The following LHFPL5 variants were observed in gnomAD, a reference collection of about 807,000 sequenced individuals.
LHFPL5 encodes LHFPL tetraspan subfamily member 5 protein.
In LHFPL5, 12 loss-of-function variants were observed where a neutral mutation model predicts 18.7. The observed-to-expected ratio is 0.64, with a 90% CI of 0.41 to 1.04. LHFPL5 has a LOEUF of 1.04. Ranked by LOEUF, LHFPL5 falls within the 50% of genes least tolerant of loss-of-function variation. The probability of loss-of-function intolerance (pLI) is 0.00; values close to 1 mark genes in which losing one functional copy is unlikely to be tolerated. For missense variants in LHFPL5, 259 were observed against 292.1 expected (o/e 0.89, Z 0.83); for synonymous variants, 111 against 120.2 (o/e 0.92, Z 0.50).
chr6:35,809,146 G>T (rs919231423), intron 1 of LHFPL5, among the ~76,000 whole-genome samples: 4 of 152,306 alleles, frequency 2.6e-5, no homozygotes, highest in Non-Finnish European at 5.9e-5. Context: ...GGGCTTCTGG[G>T]TGCCAGGTGT....
intron 2 of LHFPL5, among the ~76,000 whole-genome samples, chr6:35,816,044 G>A (rs1037631841): frequency 4.6e-5 from 7 of 152,032 alleles, no homozygotes; most frequent in East Asian, 1.9e-4. Context: ...GGTGGCGGGC[G>A]CCTGTAGTCC....
At position 35,805,805 on chromosome 6, in the gene LHFPL5, C is replaced by G; in HGVS notation, c.135C>G (p.Ile45Met). The G allele has an allele frequency of 6.2e-7, 1 of 1,614,254 alleles. No homozygotes were observed. The highest frequency in any genetic ancestry group is 8.5e-7 in the Non-Finnish European group (1 of 1,180,046). ...CCGTACTGGTCATGGCCCTCTTCAT[C>G]CAGCCCTACTGGATCGGCGACAGCG... ...CFSVLVMALF[I>M]QPYWIGDSVN... Residue 45 changes from isoleucine to methionine, a missense_variant, in exon 1 of 4, where the codon ATC becomes ATG. Physicochemically the swap from Ile to Met is conservative, Grantham distance 10. Transcript: ENST00000360215. This position sits in a 1 kb window ranked among gnomAD's most constrained non-coding sequence, Gnocchi z 4.3.
chr6:35,823,386 T>TACAC lies in LHFPL5; in HGVS notation c.*422_*423insCACA, dbSNP rs1352576898. 5.8e-5 allele frequency: 3 copies of TACAC among 51,634 alleles called. No individual in the cohort carries two copies. The highest frequency in any genetic ancestry group is 7.5e-4 in the East Asian group (2 of 2,662). 3.2% of individuals were successfully genotyped at this position (51,634 alleles called of 1,614,324 possible). A position where few individuals can be genotyped will look rare whatever the true frequency, so the allele number is the denominator to read the frequency against. On this transcript the variant is annotated 3_prime_UTR_variant, in exon 4 of 4. Transcript: ENST00000360215. Reference sequence around the variant, plus strand: ...CTGATAGCATACACACACACATATATATACACACACACACACACACACACA... The same window carrying TACAC: ...CTGATAGCATACACACACACATATATACACATACACACACACACACACACACACA...
chr6:35,819,839 G>C (rs1581975555), intron 3 of LHFPL5: 1 of 284,456 alleles, frequency 3.5e-6, no homozygotes, highest in East Asian at 8.1e-5. Context: ...CACCATGCCT[G>C]GCTAATTTTT....
At chr6:35,811,791 C>T (rs1768668525) in intron 1 of LHFPL5, among the ~76,000 whole-genome samples, 1 of 152,234 alleles carries the variant, frequency 6.6e-6, no homozygotes, top group Admixed American at 6.5e-5. Flanking sequence ...ACGTAGGTTT[C>T]ACCACGGAGC....
chr6:35,805,358 A>C lies in LHFPL5; in HGVS notation c.-313A>C. On this transcript the variant is annotated 5_prime_UTR_variant, in exon 1 of 4. Coordinates refer to ENST00000360215, the MANE Select transcript of LHFPL5 (RefSeq NM_182548.4). This position sits in a 1 kb window ranked among gnomAD's most constrained non-coding sequence, Gnocchi z 4.3. ...CGGAGGAGGGGGCGGGGCTCTCGGG[A>C]GCCGTGAGCCGGGAAGAGGGAGACG... 1 of 343,186 alleles carries C rather than the reference A, an allele frequency of 2.9e-6. No homozygotes were observed. The highest frequency in any genetic ancestry group is 3.4e-5 in the South Asian group (1 of 29,832). The allele number at this position is 343,186 out of a possible 1,614,324, so 21.3% of individuals were successfully genotyped here. A position where few individuals can be genotyped will look rare whatever the true frequency, so the allele number is the denominator to read the frequency against.
At chr6:35,813,638 T>C (rs1232231233) in intron 1 of LHFPL5, among the ~76,000 whole-genome samples, 1 of 152,046 alleles carries the variant, frequency 6.6e-6, no homozygotes, top group Non-Finnish European at 1.5e-5. Context: ...ATGGAAGGCT[T>C]TTGAAGGAAG....
chr6:35,806,257 G>C (rs1349977461), intron 1 of LHFPL5, among the ~76,000 whole-genome samples, 175 bp downstream of exon 1: 1 of 152,182 alleles, frequency 6.6e-6, no homozygotes, highest in Non-Finnish European at 1.5e-5. Context: ...TAAAATGGCA[G>C]AGGCAGAAAA....
At chr6:35,820,117 A>G (rs1028637713) in intron 3 of LHFPL5, among the ~76,000 whole-genome samples, 1 of 152,246 alleles carries the variant, frequency 6.6e-6, no homozygotes, top group South Asian at 2.1e-4. Context: ...CCTTATTTTC[A>G]GAAAGAATTT....
At chr6:35,817,802 CA>C (rs1388242664) in intron 2 of LHFPL5, among the ~76,000 whole-genome samples, 1 of 152,220 alleles carries the variant, frequency 6.6e-6, no homozygotes, top group Non-Finnish European at 1.5e-5. Context: ...GGCAGTTCCT[CA>C]AATGGTTAAT....
At chr6:35,808,811 G>C (rs919344662) in intron 1 of LHFPL5, among the ~76,000 whole-genome samples, 2 of 151,804 alleles carry the variant, frequency 1.3e-5, no homozygotes, top group Admixed American at 6.6e-5. Flanking sequence ...AGTGCCAGGA[G>C]GGGGAGGGGT....
At chr6:35,821,093 C>T (rs1009533727) in intron 3 of LHFPL5, among the ~76,000 whole-genome samples, 1 of 152,108 alleles carries the variant, frequency 6.6e-6, no homozygotes, top group African/African-American at 2.4e-5. Flanking sequence ...CACCTGAGGT[C>T]AGGAGTTAGA....
At chr6:35,809,060 T>C (rs2151069578) in intron 1 of LHFPL5, among the ~76,000 whole-genome samples, 1 of 152,070 alleles carries the variant, frequency 6.6e-6, no homozygotes, top group African/African-American at 2.4e-5. Flanking sequence ...CCAAGAAGCC[T>C]GGGAACAGGG....
At chr6:35,813,792 CTTTTTTTT>C (rs1012092184) in intron 1 of LHFPL5, among the ~76,000 whole-genome samples, 3 of 121,538 alleles carry the variant, frequency 2.5e-5, no homozygotes, top group African/African-American at 6.6e-5. Context: ...TTTCCTTTTC[CTTTTTTTT>C]TTTTTTTTTT....
intron 1 of LHFPL5, among the ~76,000 whole-genome samples, chr6:35,812,521 A>T (rs184134484): frequency 2.0e-5 from 3 of 152,264 alleles, no homozygotes; most frequent in Non-Finnish European, 4.4e-5. Flanking sequence ...ATGGAAAGGG[A>T]TGGAAGAAGT....
At chr6:35,809,261 T>C (rs1768625311) in intron 1 of LHFPL5, among the ~76,000 whole-genome samples, 2 of 152,170 alleles carry the variant, frequency 1.3e-5, no homozygotes, top group Admixed American at 1.3e-4. Context: ...TTAGTTCTAT[T>C]TAGTCAGGGC....
At chr6:35,821,675 T>C (rs1768870634) in intron 3 of LHFPL5, among the ~76,000 whole-genome samples, 1 of 151,766 alleles carries the variant, frequency 6.6e-6, no homozygotes, top group Non-Finnish European at 1.5e-5. Context: ...GAGACGGGGT[T>C]TCTCCATGTT....
chr6:35,814,865 G>A lies in LHFPL5; in HGVS notation c.649+83G>A. 1 of 1,284,314 alleles carries A rather than the reference G, an allele frequency of 7.8e-7. No homozygotes were observed. Among genetic ancestry groups the A allele is most frequent in the Non-Finnish European group, 1.1e-6 (1 of 881,276 alleles). The allele number at this position is 1,284,314 out of a possible 1,614,324, so 79.6% of individuals were successfully genotyped here. On this transcript the variant is annotated intron_variant, in intron 2 of 3. Coordinates refer to ENST00000360215, the MANE Select transcript of LHFPL5 (RefSeq NM_182548.4). This position sits in a 1 kb window ranked among gnomAD's most constrained non-coding sequence, Gnocchi z 4.2. ...GGGTTCATCTTAGCCAGTCCTCTAA[G>A]GCTTGGTCCCTGGCCAAGGGATGGG...
Position 35,812,865 on chromosome 6 carries a change from G to A in LHFPL5, c.413-1681G>A, listed in dbSNP as rs564661807. Among the ~76,000 whole-genome samples the A allele has an allele frequency of 7.6e-4, 115 of 152,252 alleles. 1 individual carries two copies. The highest frequency in any genetic ancestry group is 2.5e-3 in the African/African-American group (105 of 41,562). On this transcript the variant is annotated intron_variant, in intron 1 of 3. Coordinates refer to ENST00000360215, the MANE Select transcript of LHFPL5 (RefSeq NM_182548.4). ...AACCCAGGAGTTCAAGACCAACCTG[G>A]CCAACGTGGCAAAACCCCGTCTCTA...
Sources: gnomAD v4.1 joint callset for allele counts (sites outside exome capture counted in the v4.1 genomes callset) on GRCh38, gnomAD v4.1.1 for gene constraint, Gnocchi (gnomAD v3.1) non-coding constraint, MANE v1.5 for transcripts, NCBI Gene and HGNC (gene_info 2026-07-23, HGNC 2026-07-21) for gene names.